KCNK10: variants seen among roughly 807,000 people sequenced by gnomAD.
KCNK10 encodes the protein potassium two pore domain channel subfamily K member 10.
A neutral mutation model predicts 47.7 loss-of-function variants in KCNK10; 25 were observed. The ratio of observed to expected loss-of-function variants is 0.52; its 90% confidence interval spans 0.38 to 0.73. The LOEUF (loss-of-function observed/expected upper bound fraction) is 0.73. Among genes scored for constraint, KCNK10 ranks in the 30% least tolerant of loss-of-function variants. The pLI is 0.00. For missense variants in KCNK10, 563 were observed against 714.5 expected (o/e 0.79, Z 2.42); for synonymous variants, 303 against 285.6 (o/e 1.06, Z -0.61).
chr14:88,212,924 G>A (rs1289223708), intron 4 of KCNK10, among the ~76,000 whole-genome samples: 1 of 152,230 alleles, frequency 6.6e-6, no homozygotes, highest in African/African-American at 2.4e-5. Context: ...ATCAGAGCCT[G>A]CTCAGCATGG....
intron 5 of KCNK10, among the ~76,000 whole-genome samples, chr14:88,189,199 C>T (rs1008263697): frequency 2.0e-5 from 3 of 152,186 alleles, no homozygotes; most frequent in Non-Finnish European, 4.4e-5. Flanking sequence ...TGGCTCCTCT[C>T]GACAAGCTCA....
chr14:88,222,819 G>A (rs1345150943), intron 4 of KCNK10, among the ~76,000 whole-genome samples: 1 of 152,216 alleles, frequency 6.6e-6, no homozygotes. Context: ...TGAGTGACAA[G>A]TCTGAGGATG....
intron 2 of KCNK10, among the ~76,000 whole-genome samples, chr14:88,255,856 T>C (rs1886940233): frequency 6.6e-6 from 1 of 151,904 alleles, no homozygotes; most frequent in African/African-American, 2.4e-5. Flanking sequence ...CAAGACCCTG[T>C]TTTAAAAAAA....
chr14:88,294,312 T>C (rs1887941019), intron 1 of KCNK10, among the ~76,000 whole-genome samples: 1 of 152,256 alleles, frequency 6.6e-6, no homozygotes, highest in Non-Finnish European at 1.5e-5. Context: ...TCCTGAAGGA[T>C]GTAAATCTGG....
intron 1 of KCNK10, among the ~76,000 whole-genome samples, chr14:88,273,046 C>T (rs1173429782): frequency 4.6e-5 from 7 of 152,090 alleles, no homozygotes; most frequent in Admixed American, 4.6e-4. Flanking sequence ...GACCAGAACT[C>T]AGGGGAATAA....
Position 88,186,222 on chromosome 14 carries a change from C to A in KCNK10, c.1012-67G>T. 2 of 1,499,576 alleles carry A rather than the reference C, an allele frequency of 1.3e-6. No individual in the cohort carries two copies. The highest frequency in any genetic ancestry group is 2.4e-5 in the East Asian group (1 of 41,944). 92.9% of individuals were successfully genotyped at this position (1,499,576 alleles called of 1,614,324 possible). A position where few individuals can be genotyped will look rare whatever the true frequency, so the allele number is the denominator to read the frequency against. ...CTCCCTGCCTTGGCCTCCCAGCACC[C>A]ACAGCCCTCGGGTGTCCCCACGGGG... On this transcript the variant is annotated intron_variant, in intron 6 of 6. Transcript: ENST00000319231. The surrounding 1 kb of genome is among the most constrained non-coding windows in gnomAD (Gnocchi z 5.5).
At chr14:88,308,336 C>G (rs979794081) in intron 1 of KCNK10, among the ~76,000 whole-genome samples, 4 of 152,212 alleles carry the variant, frequency 2.6e-5, no homozygotes, top group African/African-American at 9.6e-5. Flanking sequence ...ATGGACACCC[C>G]AGTCAGTCCA....
chr14:88,317,410 A>G (rs1888451290), intron 1 of KCNK10, among the ~76,000 whole-genome samples: 1 of 152,224 alleles, frequency 6.6e-6, no homozygotes, highest in African/African-American at 2.4e-5. Context: ...TCATAGAATG[A>G]AAGTGTAGAC....
At position 88,323,052 on chromosome 14, in the gene KCNK10, AGAT is replaced by A; in HGVS notation, c.-257_-255del. The A allele has an allele frequency of 2.3e-6, 3 of 1,314,612 alleles. No individual in the cohort carries two copies. The South Asian group carries it at 5.0e-5, about 22-fold the overall frequency. The allele number at this position is 1,314,612 out of a possible 1,614,324, so 81.4% of individuals were successfully genotyped here. On this transcript the variant is annotated 5_prime_UTR_variant, in exon 1 of 7. Coordinates refer to ENST00000319231, the MANE Select transcript of KCNK10 (RefSeq NM_138317.3). ...GGCCCCGTGGGTAAAAGAAAAAGTA[AGAT>A]CGGCGAGGGGTGGATGAAAGGATGG... is the stretch of plus-strand genomic sequence containing the variant.
intron 1 of KCNK10, among the ~76,000 whole-genome samples, chr14:88,320,248 A>G (rs917641291): frequency 1.3e-5 from 2 of 152,170 alleles, no homozygotes; most frequent in Non-Finnish European, 2.9e-5. Context: ...TGCTCATTAA[A>G]TGTTGTTATT....
At chr14:88,224,565 C>T (rs916312181) in intron 4 of KCNK10, among the ~76,000 whole-genome samples, 15 of 152,168 alleles carry the variant, frequency 9.9e-5, no homozygotes, top group African/African-American at 2.9e-4. Context: ...AACAGGGTCA[C>T]CTCAGGATTC....
intron 1 of KCNK10, among the ~76,000 whole-genome samples, chr14:88,277,550 C>T (rs909458504): frequency 2.6e-5 from 4 of 151,588 alleles, no homozygotes; most frequent in African/African-American, 9.7e-5. Context: ...AGAAAACCTA[C>T]AAATCCATTC....
intron 3 of KCNK10, among the ~76,000 whole-genome samples, chr14:88,232,564 G>T (rs1480994493): frequency 6.6e-6 from 1 of 152,184 alleles, no homozygotes; most frequent in Non-Finnish European, 1.5e-5. Context: ...CTAACTGTAT[G>T]ACTCTATAAA....
rs1274266583 is a variant in KCNK10, at chr14:88,322,164, AG to A, written c.52+582del. Among the ~76,000 whole-genome samples, 1 of 151,788 alleles carries A rather than the reference AG, an allele frequency of 6.6e-6. No individual in the cohort carries two copies. Among genetic ancestry groups the A allele is most frequent in the Non-Finnish European group, 1.5e-5 (1 of 67,972 alleles). The stretch of plus-strand genomic sequence containing the variant: ...CTCCTCCTGCTTCTACTCTGACCTG[AG>A]CCTAACTAGCTGCTAGGTTTGGTAA... On this transcript the variant is annotated intron_variant, in intron 1 of 6. Coordinates refer to ENST00000319231, the MANE Select transcript of KCNK10 (RefSeq NM_138317.3). This position sits in a 1 kb window ranked among gnomAD's most constrained non-coding sequence, Gnocchi z 4.8.
At chr14:88,310,211 C>T (rs1888293230) in intron 1 of KCNK10, among the ~76,000 whole-genome samples, 1 of 133,756 alleles carries the variant, frequency 7.5e-6, no homozygotes, top group Non-Finnish European at 1.7e-5. Context: ...ATATGATATA[C>T]CATATCATAT....
At chr14:88,207,442 G>A (rs1317853297) in intron 4 of KCNK10, among the ~76,000 whole-genome samples, 1 of 152,096 alleles carries the variant, frequency 6.6e-6, no homozygotes, top group Non-Finnish European at 1.5e-5. Flanking sequence ...CCAAAGTGCT[G>A]GGATTACAGG....
chr14:88,189,777 A>G (rs1440162760), intron 5 of KCNK10, among the ~76,000 whole-genome samples: 3 of 152,184 alleles, frequency 2.0e-5, no homozygotes, highest in Admixed American at 1.3e-4. Context: ...AACTCTTGTT[A>G]ATGTATCGTT....
chr14:88,206,313 A>G (rs1378693913), intron 4 of KCNK10, among the ~76,000 whole-genome samples: 2 of 152,190 alleles, frequency 1.3e-5, no homozygotes, highest in Non-Finnish European at 2.9e-5. Flanking sequence ...GGAGGAGGTC[A>G]AAGACGTTCA....
At chr14:88,280,799 C>T (rs1566713440) in intron 1 of KCNK10, among the ~76,000 whole-genome samples, 1 of 152,160 alleles carries the variant, frequency 6.6e-6, no homozygotes, top group Admixed American at 6.5e-5. Flanking sequence ...ATCCAGGCTA[C>T]CTGCTCCCTA....
Sources: allele counts gnomAD v4.1 joint callset (sites outside exome capture counted in the v4.1 genomes callset), GRCh38; gene constraint gnomAD v4.1.1; non-coding constraint Gnocchi (gnomAD v3.1); transcripts MANE v1.5; gene names NCBI Gene and HGNC (gene_info 2026-07-23, HGNC 2026-07-21).